The following REG3G variants were observed in gnomAD, a reference collection of about 807,000 sequenced individuals.
REG3G encodes regenerating islet-derived protein 3-gamma.
Under a neutral mutation model 20.9 loss-of-function variants are expected in REG3G, and 19 were observed. That is an observed-to-expected ratio of 0.91 (90% CI 0.64 to 1.34). REG3G has a LOEUF of 1.34. Among genes scored for constraint, REG3G ranks in the 40% most tolerant of loss-of-function variants. REG3G has a pLI of 0.00. For synonymous variants in REG3G, 89 were observed against 77.4 expected, an observed-to-expected ratio of 1.15 and a Z score of -0.79; for missense variants, 235 against 205.0, an observed-to-expected ratio of 1.15 and a Z score of -0.89.
At position 79,027,869 on chromosome 2, in the gene REG3G, A is replaced by T; in HGVS notation, c.396A>T (p.Ala132=). The T allele has an allele frequency of 6.2e-7, 1 of 1,614,060 alleles. No individual in the cohort carries two copies. Among genetic ancestry groups the T allele is most frequent in the South Asian group, 1.1e-5 (1 of 91,076 alleles). ...GCACTGATGTGATGAATTACTTTGCATGGGAGAAAAATCCCTCCACCATCT... is the reference window on the plus strand; with the variant it reads ...GCACTGATGTGATGAATTACTTTGCTTGGGAGAAAAATCCCTCCACCATCT... ...WSSTDVMNYF[A]WEKNPSTILN... The change falls in exon 5 of 6, where the codon GCA becomes GCT. Residue 132 remains alanine (A), a synonymous_variant. Coordinates refer to ENST00000272324, the MANE Select transcript of REG3G (RefSeq NM_001008387.3).
chr2:79,026,199 T>C, intron 2 of REG3G, 30 bp downstream of exon 2: 1 of 1,605,120 alleles, frequency 6.2e-7, no homozygotes, highest in South Asian at 1.1e-5. Context: ...AGCACTGGGT[T>C]CCCTATGAAT....
chr2:79,026,593 G>A, intron 2 of REG3G, 120 bp from the exon 3 acceptor site: 1 of 789,886 alleles, frequency 1.3e-6, no homozygotes, highest in Non-Finnish European at 2.1e-6. Flanking sequence ...CACAAGGGAA[G>A]ATGAAGAGCT....
At chr2:79,027,413 A>G (rs984568157) in intron 4 of REG3G, among the ~76,000 whole-genome samples, 2 of 152,188 alleles carry the variant, frequency 1.3e-5, no homozygotes, top group African/African-American at 4.8e-5. Context: ...TCTCAAGGGA[A>G]TCCTTACAAA....
chr2:79,026,069 A>C lies in REG3G; in HGVS notation c.-25A>C, dbSNP rs748128009. 1 of 1,612,424 alleles carries C rather than the reference A, an allele frequency of 6.2e-7. No homozygotes were observed. The highest frequency in any genetic ancestry group is 1.1e-5 in the South Asian group (1 of 91,052). ...TGACCACACTTCCTTTAGTGACCCG[A>C]TTGCCTCCTCAAGTCGCAGACACTA... On this transcript the variant is annotated 5_prime_UTR_variant, in exon 2 of 6. Transcript: ENST00000272324.
intron 2 of REG3G, 46 bp downstream of exon 2, chr2:79,026,215 G>C (rs757342462): frequency 2.5e-6 from 4 of 1,591,686 alleles, no homozygotes; most frequent in Middle Eastern, 3.3e-4. Flanking sequence ...TGAATCCTCA[G>C]AGCCAAGAAA....
chr2:79,027,842 T>C lies in REG3G; in HGVS notation c.369T>C (p.Ser123=). 3 of 1,613,774 alleles carry C rather than the reference T, an allele frequency of 1.9e-6. No individual in the cohort carries two copies. In the South Asian group the frequency reaches 3.3e-5, roughly 18 times the overall value. ...CTGATGGAGATGGATGGGAGTGGAG[T>C]AGCACTGATGTGATGAATTACTTTG... ...SEPDGDGWEW[S]STDVMNYFAW... The change falls in exon 5 of 6, where the codon AGT becomes AGC. Residue 123 remains serine, a synonymous_variant. Coordinates refer to ENST00000272324, the MANE Select transcript of REG3G (RefSeq NM_001008387.3).
intron 5 of REG3G, 136 bp from the exon 6 acceptor site, chr2:79,028,073 G>C: frequency 7.8e-6 from 10 of 1,289,890 alleles, no homozygotes; most frequent in Non-Finnish European, 1.1e-5. Context: ...TGCCTTCTTT[G>C]AGTCTCATTC....
Position 79,028,331 on chromosome 2 carries a change from G to T in REG3G, c.*55G>T, listed in dbSNP as rs1671679146. 1 of 1,206,148 alleles carries T rather than the reference G, an allele frequency of 8.3e-7. No homozygotes were observed. The allele number at this position is 1,206,148 out of a possible 1,614,324, so 74.7% of individuals were successfully genotyped here. ...GGCGTGCAGCTCATCATGGACATGAGACCAGTGTGAAGACTCACCCTGGAA... is the reference window on the plus strand; with the variant it reads ...GGCGTGCAGCTCATCATGGACATGATACCAGTGTGAAGACTCACCCTGGAA... On this transcript the variant is annotated 3_prime_UTR_variant, in exon 6 of 6. Transcript: ENST00000272324.
intron 3 of REG3G, 97 bp from the exon 4 acceptor site, chr2:79,026,937 C>T (rs530456085): frequency 7.5e-5 from 112 of 1,500,872 alleles, no homozygotes; most frequent in Non-Finnish European, 9.3e-5. Flanking sequence ...AGGATGAACA[C>T]GCTTATCTTT....
chr2:79,027,503 C>T (rs1172125376), intron 4 of REG3G, among the ~76,000 whole-genome samples: 1 of 152,186 alleles, frequency 6.6e-6, no homozygotes, highest in African/African-American at 2.4e-5. Flanking sequence ...ATTTTGCCCC[C>T]ATACAGAATA....
intron 5 of REG3G, 104 bp downstream of exon 5, chr2:79,028,037 T>C (rs1671670296): frequency 6.9e-7 from 1 of 1,458,332 alleles, no homozygotes. Flanking sequence ...AGTGTTTATG[T>C]GCCTTCTCCC....
intron 3 of REG3G, 45 bp downstream of exon 3, chr2:79,026,876 T>A (rs1295797562): frequency 3.0e-6 from 2 of 657,948 alleles, no homozygotes; most frequent in African/African-American, 9.5e-5. Flanking sequence ...GGAAAGTCCA[T>A]GCAGGTCTCA....
Position 79,026,723 on chromosome 2 carries a change from C to A in REG3G, c.87C>A (p.Thr29=). 1.9e-6 allele frequency: 3 copies of A among 1,613,624 alleles called. No individual in the cohort carries two copies. Among genetic ancestry groups the A allele is most frequent in the Non-Finnish European group, 2.5e-6 (3 of 1,179,784 alleles). Residue 29 remains threonine, a synonymous_variant, in exon 3 of 6, where the codon ACC becomes ACA. Transcript: ENST00000272324. Reference sequence around the variant, plus strand: ...TTTCTTCCACCCCAGGTGAAGAAACCCAGAAGGAACTGCCCTCTCCACGGA... The same window carrying A: ...TTTCTTCCACCCCAGGTGAAGAAACACAGAAGGAACTGCCCTCTCCACGGA... ...ILLCQVQGEE[T]QKELPSPRIS...
At position 79,027,073 on chromosome 2, in the gene REG3G, G is replaced by A. The variant is rs758782189; in HGVS notation, c.235G>A (p.Val79Met). ...QKRPSGKLVS[V>M]LSGAEGSFVS... is the part of the protein sequence containing the mutation. ...GCGGCCCTCTGGAAAACTGGTGTCT[G>A]TGCTCAGTGGGGCTGAGGGATCCTT... is the stretch of plus-strand genomic sequence containing the variant. Residue 79 changes from valine (V) to methionine (M), a missense_variant, in exon 4 of 6, where the codon GTG (valine) becomes ATG (methionine). Physicochemically the swap from Val to Met is conservative, Grantham distance 21. Transcript: ENST00000272324. 1.2e-6 allele frequency: 2 copies of A among 1,614,112 alleles called. No homozygotes were observed. Among genetic ancestry groups the A allele is most frequent in the Non-Finnish European group, 8.5e-7 (1 of 1,179,986 alleles).
intron 2 of REG3G, 35 bp from the exon 3 acceptor site, chr2:79,026,678 C>A (rs775025012): frequency 1.8e-5 from 28 of 1,566,884 alleles, no homozygotes; most frequent in Admixed American, 8.5e-5. Context: ...ACCCCCTACT[C>A]TTCATTTTAC....
chr2:79,026,943 T>C, intron 3 of REG3G, 91 bp from the exon 4 acceptor site: 1 of 1,536,656 alleles, frequency 6.5e-7, no homozygotes. Flanking sequence ...AACACGCTTA[T>C]CTTTCACACA....
In REG3G at chr2:79,027,186, T is replaced by A; in HGVS notation, c.333+15T>A. The A allele has an allele frequency of 6.2e-7, 1 of 1,612,946 alleles. No homozygotes were observed. Among genetic ancestry groups the A allele is most frequent in the Non-Finnish European group, 8.5e-7 (1 of 1,179,198 alleles). On this transcript the variant is annotated intron_variant, in intron 4 of 5. Transcript: ENST00000272324. Reference sequence around the variant, plus strand: ...ACCCCACACAGGTGCGAGTATATCCTCCCCTCTCTGTTACCTCTCAAGGTA... The same window carrying A: ...ACCCCACACAGGTGCGAGTATATCCACCCCTCTCTGTTACCTCTCAAGGTA...
Position 79,026,100 on chromosome 2 carries a change from C to T in REG3G, c.7C>T (p.Pro3Ser), listed in dbSNP as rs1187399407. The stretch of plus-strand genomic sequence containing the variant: ...TCCTCAAGTCGCAGACACTATGCTG[C>T]CTCCCATGGCCCTGCCCAGTGTGTC... ML[P>S]PMALPSVSWM... The change falls in exon 2 of 6, where the codon CCT becomes TCT. Residue 3 changes from proline to serine, a missense_variant. Physicochemically the swap from Pro to Ser is moderately conservative, Grantham distance 74. Transcript: ENST00000272324. The T allele has an allele frequency of 1.9e-6, 3 of 1,613,830 alleles. No homozygotes were observed. The highest frequency in any genetic ancestry group is 1.3e-5 in the African/African-American group (1 of 74,916).
Position 79,026,825 on chromosome 2 carries a change from T to C in REG3G, c.189T>C (p.Asp63=), listed in dbSNP as rs755394296. 1.1e-5 allele frequency: 17 copies of C among 1,610,600 alleles called. No individual in the cohort carries two copies. Among genetic ancestry groups the C allele is most frequent in the South Asian group, 1.1e-5 (1 of 90,768 alleles). The change falls in exon 3 of 6, where the codon GAT becomes GAC. Residue 63 remains aspartate (D), a synonymous_variant. Coordinates refer to ENST00000272324, the MANE Select transcript of REG3G (RefSeq NM_001008387.3). ...TTTTGTCACCAAAATCCTGGATGGA[T>C]GCAGATGTGAGTGGTTAGATGTGGG... The part of the protein sequence containing the change: ...ALFLSPKSWM[D]ADLACQKRPS...
Sources: allele counts gnomAD v4.1 joint callset (sites outside exome capture counted in the v4.1 genomes callset), GRCh38; gene constraint gnomAD v4.1.1; transcripts MANE v1.5; gene names NCBI Gene and HGNC (gene_info 2026-07-23, HGNC 2026-07-21).